HEPH: variants seen among roughly 807,000 people sequenced by gnomAD.
HEPH encodes hephaestin.
A neutral mutation model predicts 80.8 loss-of-function variants in HEPH; 69 were observed. The ratio of observed to expected loss-of-function variants is 0.85; its 90% CI spans 0.70 to 1.04. HEPH has a LOEUF of 1.04. Among genes scored for constraint, HEPH ranks in the 50% least tolerant of loss-of-function variants. HEPH has a pLI of 0.00. For synonymous variants in HEPH, 431 were observed against 322.8 expected, an observed-to-expected ratio of 1.34 and a Z score of -3.60; for missense variants, 1,115 against 891.3, an observed-to-expected ratio of 1.25 and a Z score of -3.20.
At chrX:66,234,118 G>T (rs1244396710) in intron 15 of HEPH, among the ~76,000 whole-genome samples, 1 of 110,016 alleles carries the variant, frequency 9.1e-6, no homozygotes, top group African/African-American at 3.3e-5. Context: ...GTGTCCATGT[G>T]TTCTTATCAT....
intron 17 of HEPH, 62 bp from the exon 18 acceptor site, chrX:66,258,778 C>A: frequency 3.1e-6 from 3 of 982,238 alleles, no homozygotes; most frequent in South Asian, 2.6e-5. Context: ...AATGGGAAGT[C>A]CAAAGGAGAG....
chrX:66,221,505 T>G (rs1171551685), intron 15 of HEPH, among the ~76,000 whole-genome samples: 1 of 112,685 alleles, frequency 8.9e-6, no homozygotes, highest in Non-Finnish European at 1.9e-5. Flanking sequence ...TTTGTCTGCT[T>G]CTTGTGCTAA....
At chrX:66,256,359 C>G in intron 17 of HEPH, 29 bp downstream of exon 17, 1 of 1,049,709 alleles carries the variant, frequency 9.5e-7, no homozygotes, top group Non-Finnish European at 1.3e-6. Flanking sequence ...ACTCTTGTTC[C>G]AAAGCAGTCC....
chrX:66,178,009 T>A (rs2086889238), intron 4 of HEPH, among the ~76,000 whole-genome samples: 1 of 111,889 alleles, frequency 8.9e-6, no homozygotes, highest in South Asian at 3.7e-4. Flanking sequence ...GTTTGTTACA[T>A]ATGTATACAT....
At chrX:66,247,990 T>C (rs1452521677) in intron 15 of HEPH, among the ~76,000 whole-genome samples, 1 of 111,922 alleles carries the variant, frequency 8.9e-6, no homozygotes, top group Non-Finnish European at 1.9e-5. Flanking sequence ...CTTCCCTTTC[T>C]TTTATCCAGT....
intron 13 of HEPH, among the ~76,000 whole-genome samples, chrX:66,205,549 A>G (rs754874772): frequency 1.2e-3 from 129 of 110,335 alleles, no homozygotes; most frequent in African/African-American, 4.0e-3. Flanking sequence ...TAGTGCTGTG[A>G]TGAACATATG....
Position 66,258,825 on chromosome X carries a change from C to CTTTTT in HEPH, c.2897-10_2897-6dup, listed in dbSNP as rs766617116. ...TTTTTCTTTTCTTTTCTTTTCTTTT[C>CTTTTT]TTTTTTTTTGACAGCAATCAATGGG... On this transcript the variant is annotated splice_polypyrimidine_tract_variant and intron_variant, in intron 17 of 20. Coordinates refer to ENST00000343002, the MANE Select transcript of HEPH (RefSeq NM_001367233.3). 1 of 1,093,610 alleles carries CTTTTT rather than the reference C, an allele frequency of 9.1e-7. No individual in the cohort carries two copies. Among genetic ancestry groups the CTTTTT allele is most frequent in the African/African-American group, 1.9e-5 (1 of 52,254 alleles). 90.1% of individuals were successfully genotyped at this position (1,093,610 alleles called of 1,213,427 possible). A position where few individuals can be genotyped will look rare whatever the true frequency, so the allele number is the denominator to read the frequency against.
At chrX:66,188,588 A>G in intron 5 of HEPH, 47 bp downstream of exon 5, 1 of 1,092,184 alleles carries the variant, frequency 9.2e-7, no homozygotes, top group Non-Finnish European at 1.3e-6. Context: ...ACATTGTTGG[A>G]GGGTATCCAC....
intron 3 of HEPH, among the ~76,000 whole-genome samples, 160 bp from the exon 4 acceptor site, chrX:66,173,429 G>A (rs977541652): frequency 6.3e-5 from 7 of 111,877 alleles, no homozygotes; most frequent in African/African-American, 2.3e-4. Flanking sequence ...ACCTAAATCT[G>A]TGCTCTCCTT....
intron 15 of HEPH, among the ~76,000 whole-genome samples, chrX:66,241,457 A>G (rs2148086037): frequency 8.9e-6 from 1 of 112,019 alleles, no homozygotes; most frequent in East Asian, 2.8e-4. Context: ...TGAGGTAGCT[A>G]TTATTATTCA....
intron 19 of HEPH, among the ~76,000 whole-genome samples, chrX:66,262,448 G>A (rs2091399597): frequency 8.9e-6 from 1 of 111,805 alleles, no homozygotes; most frequent in South Asian, 3.8e-4. Flanking sequence ...ATGAAAGGCA[G>A]GTTATAGGGT....
Position 66,229,727 on chromosome X carries a change from G to A in HEPH, c.2563+21481G>A, listed in dbSNP as rs371976425. ...ATTCTAATAAGCTTTGATAAGCTTG[G>A]AATTTGTTCCTTTCATCCTACTCTC... On this transcript the variant is annotated intron_variant, in intron 15 of 20. Transcript: ENST00000343002. Among the ~76,000 whole-genome samples, 4 of 111,650 alleles carry A rather than the reference G, an allele frequency of 3.6e-5. No homozygotes were observed. The East Asian group carries it at 1.1e-3, about 31-fold the overall frequency.
At position 66,267,006 on chromosome X, in the gene HEPH, G is replaced by T. The variant is rs902139483; in HGVS notation, c.*334G>T. The T allele has an allele frequency of 1.1e-5, 2 of 181,222 alleles. No individual in the cohort carries two copies. Among genetic ancestry groups the T allele is most frequent in the Non-Finnish European group, 1.0e-5 (1 of 97,522 alleles). The allele number at this position is 181,222 out of a possible 1,213,427, so 14.9% of individuals were successfully genotyped here. A position where few individuals can be genotyped will look rare whatever the true frequency, so the allele number is the denominator to read the frequency against. ...AAATGTATCCTTCTCACAAAGTAGA[G>T]ACCAAGAGAAAAACTCATTGATTGG... On this transcript the variant is annotated 3_prime_UTR_variant, in exon 21 of 21. Transcript: ENST00000343002.
chrX:66,224,510 A>C (rs937882990), intron 15 of HEPH, among the ~76,000 whole-genome samples: 1 of 112,093 alleles, frequency 8.9e-6, no homozygotes, highest in Non-Finnish European at 1.9e-5. Context: ...TTGCCTTAGG[A>C]TACTTCTCAA....
In HEPH at chrX:66,189,722, A is replaced by T. The variant is rs992410234; in HGVS notation, c.847A>T (p.Asn283Tyr). 3.3e-6 allele frequency: 4 copies of T among 1,209,177 alleles called. No homozygotes were observed. In the African/African-American group the frequency reaches 7.0e-5, roughly 21 times the overall value. Reference protein sequence around the residue: ...GFVFGNLPELNMCAQKRVAWH... With the variant: ...GFVFGNLPELYMCAQKRVAWH... ...TGTTTTTGGGAATTTACCTGAGCTG[A>T]ACATGTGTGCACAGAAACGTGTGGC... The change falls in exon 6 of 21, where the codon AAC becomes TAC. Residue 283 changes from asparagine to tyrosine, a missense_variant. By Grantham distance (143) the Asn-to-Tyr change is moderately radical (BLOSUM62 -2). Transcript: ENST00000343002.
chrX:66,255,949 T>C (rs917919943), intron 16 of HEPH, among the ~76,000 whole-genome samples, 156 bp from the exon 17 acceptor site: 1 of 112,327 alleles, frequency 8.9e-6, no homozygotes, highest in Non-Finnish European at 1.9e-5. Context: ...TAGAATGAAT[T>C]CAAATAACAT....
intron 13 of HEPH, among the ~76,000 whole-genome samples, chrX:66,205,040 C>T (rs2088686674): frequency 9.0e-6 from 1 of 111,439 alleles, no homozygotes; most frequent in Non-Finnish European, 1.9e-5. Flanking sequence ...AGCATAGTAT[C>T]CAATAGTTAG....
intron 15 of HEPH, among the ~76,000 whole-genome samples, chrX:66,221,299 C>T (rs1359226636): frequency 8.9e-6 from 1 of 112,112 alleles, no homozygotes; most frequent in Non-Finnish European, 1.9e-5. Flanking sequence ...TTATGCTTGA[C>T]CGGGCTCTCT....
chrX:66,188,614 G>T, intron 5 of HEPH, 73 bp downstream of exon 5: 5 of 921,073 alleles, frequency 5.4e-6, no homozygotes, highest in Non-Finnish European at 7.6e-6. Context: ...CTAGTATTTG[G>T]TGGATGCTTT....
Sources: allele counts gnomAD v4.1 joint callset (sites outside exome capture counted in the v4.1 genomes callset), GRCh38; gene constraint gnomAD v4.1.1; transcripts MANE v1.5; gene names NCBI Gene and HGNC (gene_info 2026-07-23, HGNC 2026-07-21).